Variants in ASTN2 observed in about 807,000 individuals in gnomAD.
The protein encoded by ASTN2 is astrotactin-2.
In ASTN2, 54 loss-of-function variants were observed where a neutral mutation model predicts 139.8. The ratio of observed to expected loss-of-function variants is 0.39; its 90% CI spans 0.31 to 0.48. ASTN2 has a LOEUF of 0.48. ASTN2 is among the 20% of genes least tolerant of loss of function. ASTN2 has a pLI of 0.95. For synonymous variants in ASTN2, 756 were observed against 719.5 expected (o/e 1.05, Z -0.81); for missense variants, 1,565 against 1,725.1 (o/e 0.91, Z 1.64).
At chr9:116,721,241 A>C (rs921390027) in intron 16 of ASTN2, among the ~76,000 whole-genome samples, 1 of 152,172 alleles carries the variant, frequency 6.6e-6, no homozygotes, top group East Asian at 1.9e-4. Context: ...CACATCTGGG[A>C]AGAGGTAGAG....
chr9:116,817,654 A>T (rs915214001), intron 12 of ASTN2, among the ~76,000 whole-genome samples: 2 of 152,208 alleles, frequency 1.3e-5, no homozygotes, highest in African/African-American at 4.8e-5. Context: ...TTGAAAACCT[A>T]CTATGTGCCA....
At chr9:116,509,086 G>A (rs1850243720) in intron 19 of ASTN2, among the ~76,000 whole-genome samples, 1 of 152,050 alleles carries the variant, frequency 6.6e-6, no homozygotes, top group South Asian at 2.1e-4. Flanking sequence ...GTATACATGT[G>A]CCATGTTGGT....
At chr9:116,513,560 G>C (rs535963691) in intron 19 of ASTN2, among the ~76,000 whole-genome samples, 41 of 152,126 alleles carry the variant, frequency 2.7e-4, no homozygotes, top group Non-Finnish European at 4.6e-4. Flanking sequence ...TTGCTAGGTT[G>C]GGGAAGCTCT....
rs149967114 is a variant in ASTN2, at chr9:116,578,618, A to ACGCG, written c.3355+39705_3355+39706insCGCG. On this transcript the variant is annotated intron_variant, in intron 19 of 22. Coordinates refer to ENST00000313400, the MANE Select transcript of ASTN2 (RefSeq NM_001365068.1). ...TTTGAACCCAGGCCGTCTGGCTCCA[A>ACGCG]CGTGTGTGTGTGTGTGTGTGTGTGT... Among the ~76,000 whole-genome samples the ACGCG allele has an allele frequency of 1.7e-3, 172 of 98,630 alleles. 1 individual carries two copies. Among genetic ancestry groups the ACGCG allele is most frequent in the African/African-American group, 6.1e-3 (163 of 26,892 alleles). The allele number at this position is 98,630 out of a possible 152,430, so 64.7% of individuals were successfully genotyped here.
intron 10 of ASTN2, among the ~76,000 whole-genome samples, chr9:116,948,573 T>C (rs1416117616): frequency 6.6e-6 from 1 of 151,950 alleles, no homozygotes; most frequent in Admixed American, 6.6e-5. Context: ...TTAGTAGAAG[T>C]GGTACTTAGA....
chr9:117,303,795 T>C (rs1174705379), intron 1 of ASTN2, among the ~76,000 whole-genome samples: 2 of 152,160 alleles, frequency 1.3e-5, no homozygotes, highest in East Asian at 3.8e-4. Context: ...TGTCAAGAGG[T>C]GAGTCTGTTT....
rs566044725 is a variant in ASTN2, at chr9:117,306,336, C to G, written c.443-14823G>C. On this transcript the variant is annotated intron_variant, in intron 1 of 22. Coordinates refer to ENST00000313400, the MANE Select transcript of ASTN2 (RefSeq NM_001365068.1). Reference sequence around the variant, plus strand: ...ATTTAGAGTCAAGAAAGCTGAAACTCAGAGAGAACAGGGGAGTTATCCCAG... The same window carrying G: ...ATTTAGAGTCAAGAAAGCTGAAACTGAGAGAGAACAGGGGAGTTATCCCAG... Among the ~76,000 whole-genome samples the G allele has an allele frequency of 9.2e-5, 14 of 152,248 alleles. No individual in the cohort carries two copies. The East Asian group carries it at 2.7e-3, about 29-fold the overall frequency.
chr9:116,543,009 A>C (rs1021845464), intron 19 of ASTN2, among the ~76,000 whole-genome samples: 9 of 151,950 alleles, frequency 5.9e-5, no homozygotes, highest in Admixed American at 5.9e-4. Context: ...AAAATCATAT[A>C]GTATCTTGTT....
chr9:116,995,935 G>A (rs983083267), intron 7 of ASTN2, among the ~76,000 whole-genome samples: 1 of 152,072 alleles, frequency 6.6e-6, no homozygotes, highest in Non-Finnish European at 1.5e-5. Flanking sequence ...TGAACTCCTA[G>A]GCTCAAGCAC....
intron 4 of ASTN2, among the ~76,000 whole-genome samples, chr9:117,124,812 A>G (rs75047044): frequency 6.8e-6 from 1 of 147,924 alleles, no homozygotes; most frequent in Non-Finnish European, 1.5e-5. Context: ...CACCATGAAA[A>G]AAAAAAAAAA....
At chr9:116,903,226 C>T (rs1297238464) in intron 10 of ASTN2, among the ~76,000 whole-genome samples, 4 of 152,126 alleles carry the variant, frequency 2.6e-5, no homozygotes, top group Non-Finnish European at 4.4e-5. Context: ...GTAATTTTAC[C>T]CTGCTGTACT....
At chr9:117,098,109 CT>C (rs1457527376) in intron 4 of ASTN2, among the ~76,000 whole-genome samples, 2 of 152,308 alleles carry the variant, frequency 1.3e-5, no homozygotes, top group East Asian at 3.9e-4. Context: ...TTTGGTCTCT[CT>C]GTAATATACA....
At chr9:117,078,571 G>A (rs115086148) in intron 5 of ASTN2, among the ~76,000 whole-genome samples, 1,564 of 152,256 alleles carry the variant, frequency 0.01, 30 homozygotes, top group African/African-American at 0.036. Context: ...GAGAAGAACC[G>A]AGGCCACAGA....
intron 10 of ASTN2, among the ~76,000 whole-genome samples, chr9:116,899,405 C>G (rs1387844953): frequency 1.3e-5 from 2 of 152,174 alleles, no homozygotes; most frequent in Non-Finnish European, 2.9e-5. Flanking sequence ...ATGCCCACAT[C>G]CTATTTTCCT....
At chr9:116,742,532 A>G (rs1182793018) in intron 13 of ASTN2, among the ~76,000 whole-genome samples, 1 of 152,164 alleles carries the variant, frequency 6.6e-6, no homozygotes, top group Non-Finnish European at 1.5e-5. Flanking sequence ...TAAGATATTT[A>G]AGAATCTCGA....
At chr9:116,521,374 C>A (rs1164792205) in intron 19 of ASTN2, among the ~76,000 whole-genome samples, 1 of 151,980 alleles carries the variant, frequency 6.6e-6, no homozygotes, top group African/African-American at 2.4e-5. Flanking sequence ...TTCAGCAAAG[C>A]AAACAAAAAC....
At chr9:116,876,305 T>C (rs562315015) in intron 10 of ASTN2, among the ~76,000 whole-genome samples, 50 of 152,308 alleles carry the variant, frequency 3.3e-4, no homozygotes, top group African/African-American at 1.2e-3. Context: ...ATTGCTGCAA[T>C]CTCATGATAA....
chr9:116,813,167 G>A (rs896955116), intron 12 of ASTN2, among the ~76,000 whole-genome samples: 1 of 152,068 alleles, frequency 6.6e-6, no homozygotes, highest in Non-Finnish European at 1.5e-5. Context: ...ATTTATACAT[G>A]TGCCAAAATG....
chr9:116,605,052 A>G (rs1379974628), intron 19 of ASTN2, among the ~76,000 whole-genome samples: 2 of 152,052 alleles, frequency 1.3e-5, no homozygotes, highest in African/African-American at 4.8e-5. Context: ...AGAGAGAGAG[A>G]GAGACAGAGA....
Sources: allele counts gnomAD v4.1 joint callset (sites outside exome capture counted in the v4.1 genomes callset), GRCh38; gene constraint gnomAD v4.1.1; transcripts MANE v1.5; gene names NCBI Gene and HGNC (gene_info 2026-07-23, HGNC 2026-07-21).